The following LRP1B variants were observed in gnomAD, a reference collection of about 807,000 sequenced individuals.
LRP1B encodes low-density lipoprotein receptor-related protein 1B.
Under a neutral mutation model 556.6 loss-of-function variants are expected in LRP1B, and 217 were observed. The observed-to-expected ratio is 0.39, with a 90% confidence interval of 0.35 to 0.44. The LOEUF (loss-of-function observed/expected upper bound fraction) is 0.44. Among genes scored for constraint, LRP1B ranks in the 20% least tolerant of loss-of-function variants. LRP1B has a pLI of 1.00. For synonymous variants in LRP1B, 2,047 were observed against 1,865.8 expected (o/e 1.10, Z -2.50); for missense variants, 5,053 against 5,620.8 (o/e 0.90, Z 3.23).
chr2:140,808,031 G>A (rs1690785769), intron 32 of LRP1B, among the ~76,000 whole-genome samples: 1 of 152,198 alleles, frequency 6.6e-6, no homozygotes, highest in African/African-American at 2.4e-5. Context: ...GGTGGAGGTT[G>A]CAGTGAGCCA....
At chr2:140,476,552 A>AAAAC (rs2105349809) in intron 59 of LRP1B, among the ~76,000 whole-genome samples, 1 of 152,026 alleles carries the variant, frequency 6.6e-6, no homozygotes, top group East Asian at 1.9e-4. Flanking sequence ...CAGGAAAATA[A>AAAAC]AAACACTTAT....
intron 2 of LRP1B, among the ~76,000 whole-genome samples, chr2:141,554,086 ATAGAT>A (rs1370504060): frequency 7.1e-6 from 1 of 139,960 alleles, no homozygotes; most frequent in Non-Finnish European, 1.5e-5. Context: ...GAATAGACAT[ATAGAT>A]TATATATATC....
At chr2:140,891,040 A>G (rs1693782683) in intron 23 of LRP1B, among the ~76,000 whole-genome samples, 1 of 152,158 alleles carries the variant, frequency 6.6e-6, no homozygotes. Flanking sequence ...GACTGAATTT[A>G]ACAGCTCAAA....
intron 29 of LRP1B, among the ~76,000 whole-genome samples, chr2:140,843,776 C>T (rs1011552105): frequency 6.6e-6 from 1 of 152,102 alleles, no homozygotes; most frequent in Non-Finnish European, 1.5e-5. Flanking sequence ...TTCAATAGAA[C>T]CGTACCTGGT....
intron 57 of LRP1B, among the ~76,000 whole-genome samples, chr2:140,492,271 T>G (rs1243395343): frequency 6.6e-6 from 1 of 152,264 alleles, no homozygotes; most frequent in Non-Finnish European, 1.5e-5. Context: ...TTTAGGAAAG[T>G]AAATCTTCTT....
At chr2:142,019,839 C>T (rs1703277930) in intron 1 of LRP1B, among the ~76,000 whole-genome samples, 2 of 152,156 alleles carry the variant, frequency 1.3e-5, no homozygotes, top group South Asian at 4.1e-4. Flanking sequence ...CTGGAATGTG[C>T]TTCTCCAAAT....
At chr2:140,330,118 T>C (rs1485602625) in intron 79 of LRP1B, among the ~76,000 whole-genome samples, 4 of 151,050 alleles carry the variant, frequency 2.6e-5, no homozygotes, top group African/African-American at 4.9e-5. Context: ...AAGAATTGCT[T>C]GAACCCGGGA....
chr2:141,934,779 C>T (rs1352048831), intron 1 of LRP1B, among the ~76,000 whole-genome samples: 1 of 152,150 alleles, frequency 6.6e-6, no homozygotes, highest in African/African-American at 2.4e-5. Flanking sequence ...GACGTGTTTG[C>T]TTACCCTTCT....
intron 3 of LRP1B, among the ~76,000 whole-genome samples, chr2:141,423,708 A>G (rs776994409): frequency 3.3e-5 from 5 of 152,144 alleles, no homozygotes; most frequent in Non-Finnish European, 7.3e-5. Context: ...AAACTTTCAG[A>G]ATGTGTGGAT....
chr2:141,785,173 T>C (rs964837856), intron 2 of LRP1B, among the ~76,000 whole-genome samples: 1 of 151,982 alleles, frequency 6.6e-6, no homozygotes, highest in Non-Finnish European at 1.5e-5. Flanking sequence ...CAGTCTGCCA[T>C]TTCCATATTC....
rs957178438 is a variant in LRP1B at position 140,433,135 on chromosome 2, G to A, written c.10414+9369C>T. Among the ~76,000 whole-genome samples the A allele has an allele frequency of 2.6e-5, 4 of 152,188 alleles. No homozygotes were observed. In the South Asian group the frequency reaches 6.2e-4, roughly 24 times the overall value. On this transcript the variant is annotated intron_variant, in intron 66 of 90. Transcript: ENST00000389484. ...TTTTTTTGAGGCAGAGTCTTGCTCT[G>A]TTGCCCCGGCTGGAGTGCAGTGGTG...
At position 141,118,667 on chromosome 2, in the gene LRP1B, T is replaced by G. The variant is rs898910270; in HGVS notation, c.1014-56394A>C. ...AATGCACACTCTGGACCACACTGTA[T>G]TCTAAACATTTATTCCACACATTAT... On this transcript the variant is annotated intron_variant, in intron 7 of 90. Transcript: ENST00000389484. Among the ~76,000 whole-genome samples, 3 of 151,950 alleles carry G rather than the reference T, an allele frequency of 2.0e-5. No individual in the cohort carries two copies. The East Asian group carries it at 5.8e-4, about 29-fold the overall frequency.
chr2:141,867,840 G>C (rs1698462524), intron 1 of LRP1B, among the ~76,000 whole-genome samples: 1 of 152,046 alleles, frequency 6.6e-6, no homozygotes, highest in Non-Finnish European at 1.5e-5. Flanking sequence ...AATTCAGTTA[G>C]ACAATTTTAA....
intron 63 of LRP1B, among the ~76,000 whole-genome samples, chr2:140,449,992 G>T (rs1416310916): frequency 6.6e-6 from 1 of 152,148 alleles, no homozygotes; most frequent in Admixed American, 6.6e-5. Context: ...TGAAAAAGCA[G>T]CAGCTAACCA....
chr2:141,773,266 C>T (rs964394941), intron 2 of LRP1B, among the ~76,000 whole-genome samples: 5 of 152,094 alleles, frequency 3.3e-5, no homozygotes, highest in Admixed American at 1.3e-4. Flanking sequence ...TCTATCTGTA[C>T]CAAAGTTTCT....
chr2:140,635,468 C>G (rs1164389028), intron 41 of LRP1B, among the ~76,000 whole-genome samples: 1 of 151,654 alleles, frequency 6.6e-6, no homozygotes, highest in East Asian at 1.9e-4. Context: ...TTTTTATATT[C>G]ATTTATTATC....
chr2:141,267,276 C>G (rs893269794), intron 3 of LRP1B, among the ~76,000 whole-genome samples: 16 of 152,184 alleles, frequency 1.1e-4, no homozygotes, highest in African/African-American at 3.6e-4. Flanking sequence ...TGTGCTATCT[C>G]TTACCACAGA....
chr2:140,662,494 A>G (rs1685131884), intron 41 of LRP1B, among the ~76,000 whole-genome samples: 1 of 152,176 alleles, frequency 6.6e-6, no homozygotes. Flanking sequence ...ACTGAATTAG[A>G]TAAAGATGAA....
At chr2:140,294,927 A>G (rs561140460) in intron 84 of LRP1B, among the ~76,000 whole-genome samples, 1 of 152,242 alleles carries the variant, frequency 6.6e-6, no homozygotes, top group East Asian at 1.9e-4. Context: ...GCCAGGCTGG[A>G]GTGCAGTGGC....
Sources: gnomAD v4.1 joint callset for allele counts (sites outside exome capture counted in the v4.1 genomes callset) on GRCh38, gnomAD v4.1.1 for gene constraint, MANE v1.5 for transcripts, NCBI Gene and HGNC (gene_info 2026-07-23, HGNC 2026-07-21) for gene names.